PCDH7: variants seen among roughly 807,000 people sequenced by gnomAD.
PCDH7 encodes protocadherin 7.
Under a neutral mutation model 58.9 loss-of-function variants are expected in PCDH7, and 17 were observed. The observed-to-expected ratio is 0.29, with a 90% confidence interval of 0.20 to 0.43. The LOEUF is 0.43. Ranked by LOEUF, PCDH7 falls within the 20% of genes least tolerant of loss-of-function variation. The pLI is 1.00. For synonymous variants in PCDH7, 664 were observed against 616.4 expected (o/e 1.08, Z -1.14); for missense variants, 1,274 against 1,441.0 (o/e 0.88, Z 1.88).
chr4:31,118,398 T>A (rs1486894201), intron 3 of PCDH7, among the ~76,000 whole-genome samples: 1 of 152,098 alleles, frequency 6.6e-6, no homozygotes, highest in Non-Finnish European at 1.5e-5. Flanking sequence ...CAACTAACAT[T>A]TTTTTTAATG....
chr4:30,915,605 C>A (rs889579914), intron 1 of PCDH7, among the ~76,000 whole-genome samples: 3 of 152,080 alleles, frequency 2.0e-5, no homozygotes, highest in African/African-American at 4.8e-5. Flanking sequence ...CTCACTGCAA[C>A]CTTTGCCTCC....
chr4:30,760,324 A>G (rs1328136224), intron 1 of PCDH7, among the ~76,000 whole-genome samples: 1 of 152,194 alleles, frequency 6.6e-6, no homozygotes, highest in Non-Finnish European at 1.5e-5. Flanking sequence ...TAGCCCTTCA[A>G]GAGGTCACTC....
chr4:30,817,449 A>T (rs1727828448), intron 1 of PCDH7, among the ~76,000 whole-genome samples: 1 of 152,182 alleles, frequency 6.6e-6, no homozygotes, highest in Admixed American at 6.6e-5. Flanking sequence ...TGCATGAAAC[A>T]TTTGTTTCTT....
chr4:31,111,656 A>G (rs1217588783), intron 3 of PCDH7, among the ~76,000 whole-genome samples: 2 of 152,188 alleles, frequency 1.3e-5, no homozygotes, highest in African/African-American at 4.8e-5. Context: ...AGTGTGAAAC[A>G]GGGTATGTTC....
At chr4:30,771,473 A>G (rs920872240) in intron 1 of PCDH7, among the ~76,000 whole-genome samples, 2 of 152,164 alleles carry the variant, frequency 1.3e-5, no homozygotes, top group South Asian at 4.1e-4. Context: ...TTAGCATTCA[A>G]TAGGCACTCG....
At chr4:30,824,660 A>G (rs1728882315) in intron 1 of PCDH7, among the ~76,000 whole-genome samples, 1 of 152,076 alleles carries the variant, frequency 6.6e-6, no homozygotes, top group Admixed American at 6.6e-5. Context: ...AGGAAACAAT[A>G]CAGGCCCGGT....
intron 1 of PCDH7, among the ~76,000 whole-genome samples, chr4:30,798,850 T>C (rs999413409): frequency 6.6e-6 from 1 of 152,226 alleles, no homozygotes; most frequent in Non-Finnish European, 1.5e-5. Context: ...GCATTTGTTT[T>C]ATACTTTGCA....
At chr4:30,772,017 C>T (rs1721479182) in intron 1 of PCDH7, among the ~76,000 whole-genome samples, 1 of 151,988 alleles carries the variant, frequency 6.6e-6, no homozygotes, top group South Asian at 2.1e-4. Flanking sequence ...ATCACAGATG[C>T]CTGCCACCAC....
intron 1 of PCDH7, among the ~76,000 whole-genome samples, chr4:30,916,920 T>C (rs1226523440): frequency 6.6e-6 from 1 of 152,142 alleles, no homozygotes; most frequent in Non-Finnish European, 1.5e-5. Context: ...TTGGCATTTG[T>C]TTTTTTCACA....
chr4:31,002,622 G>T (rs1752442673), intron 3 of PCDH7, among the ~76,000 whole-genome samples: 1 of 152,148 alleles, frequency 6.6e-6, no homozygotes, highest in Admixed American at 6.5e-5. Context: ...CAAAATTTCA[G>T]TAAAGTAGAA....
Position 30,894,140 on chromosome 4 carries a change from G to A in PCDH7, c.71-26013G>A, listed in dbSNP as rs967364202. Among the ~76,000 whole-genome samples the A allele has an allele frequency of 8.6e-5, 13 of 151,980 alleles. No homozygotes were observed. In the East Asian group the frequency reaches 2.3e-3, roughly 27 times the overall value. ...AGGAATATGAACCTTGTATTCTGAA[G>A]GATTATCTCCAGTGAAACTGTGGGA... is the stretch of plus-strand genomic sequence containing the variant. On this transcript the variant is annotated intron_variant, in intron 1 of 3. Coordinates refer to the PCDH7 transcript ENST00000509759.
intron 1 of PCDH7, among the ~76,000 whole-genome samples, chr4:30,834,802 C>G (rs564346500): frequency 2.0e-5 from 3 of 151,854 alleles, no homozygotes; most frequent in Non-Finnish European, 4.4e-5. Context: ...TAGATTTATA[C>G]AGCAAAATTT....
At chr4:30,774,892 C>T (rs1195138425) in intron 1 of PCDH7, among the ~76,000 whole-genome samples, 2 of 152,048 alleles carry the variant, frequency 1.3e-5, no homozygotes, top group Non-Finnish European at 2.9e-5. Flanking sequence ...TAATACATAC[C>T]TTATGACTGT....
At chr4:30,903,553 G>A (rs1003177187) in intron 1 of PCDH7, among the ~76,000 whole-genome samples, 20 of 151,994 alleles carry the variant, frequency 1.3e-4, no homozygotes, top group Admixed American at 2.0e-4. Context: ...ACTCTACAGT[G>A]TAAATCTGTT....
chr4:30,960,305 G>A (rs963133883), intron 3 of PCDH7, among the ~76,000 whole-genome samples: 1 of 152,108 alleles, frequency 6.6e-6, no homozygotes, highest in Non-Finnish European at 1.5e-5. Context: ...TTATCTCTTC[G>A]AGACATGCTT....
Position 30,897,311 on chromosome 4 carries a change from C to A in PCDH7, c.71-22842C>A, listed in dbSNP as rs183450943. ...ATACGAGGTTTAAACATCATTCTGT[C>A]ATTTGTTACGTCACTCATTTAACCA... On this transcript the variant is annotated intron_variant, in intron 1 of 3. Coordinates refer to the PCDH7 transcript ENST00000509759. 3.4e-4 allele frequency among the ~76,000 whole-genome samples: 51 copies of A among 152,222 alleles called. No individual in the cohort carries two copies. In the East Asian group the frequency reaches 7.9e-3, roughly 24 times the overall value.
At chr4:30,885,456 TGTGA>T (rs1403736470) in intron 1 of PCDH7, among the ~76,000 whole-genome samples, 8 of 152,188 alleles carry the variant, frequency 5.3e-5, no homozygotes, top group Non-Finnish European at 5.9e-5. Context: ...ATGAGCACGA[TGTGA>T]GTGTTAGTTA....
intron 3 of PCDH7, among the ~76,000 whole-genome samples, chr4:31,037,706 T>G (rs568432306): frequency 6.6e-6 from 1 of 152,340 alleles, no homozygotes; most frequent in South Asian, 2.1e-4. Context: ...TGCTCTCTTT[T>G]CTAAAAGAAA....
intron 1 of PCDH7, among the ~76,000 whole-genome samples, chr4:30,804,352 A>G (rs1307575598): frequency 1.3e-5 from 2 of 152,102 alleles, no homozygotes; most frequent in African/African-American, 4.8e-5. Context: ...CAGCCTGGTC[A>G]ATATGGTGAA....
Sources: allele counts gnomAD v4.1 joint callset (sites outside exome capture counted in the v4.1 genomes callset), GRCh38; gene constraint gnomAD v4.1.1; transcripts MANE v1.5; gene names NCBI Gene and HGNC (gene_info 2026-07-23, HGNC 2026-07-21).